The following CHODL variants were observed in gnomAD, a reference collection of about 807,000 sequenced individuals.
CHODL encodes chondrolectin.
In CHODL, 29 loss-of-function variants were observed where a neutral mutation model predicts 34.5. The ratio of observed to expected loss-of-function variants is 0.84; its 90% CI spans 0.63 to 1.15. CHODL has a LOEUF of 1.15. Among genes scored for constraint, CHODL ranks in the 50% most tolerant of loss-of-function variants. The pLI is 0.00. For missense variants in CHODL, 332 were observed against 332.5 expected (o/e 1.00, Z 0.01); for synonymous variants, 125 against 116.1 (o/e 1.08, Z -0.49).
chr21:18,064,648 C>T (rs2064709037), intron 2 of CHODL, among the ~76,000 whole-genome samples: 1 of 152,102 alleles, frequency 6.6e-6, no homozygotes, highest in Admixed American at 6.6e-5. Flanking sequence ...TGGCCTGGAA[C>T]CATACCATCC....
At chr21:18,247,389 A>G (rs2074154161) in intron 1 of CHODL, among the ~76,000 whole-genome samples, 1 of 152,186 alleles carries the variant, frequency 6.6e-6, no homozygotes, top group Admixed American at 6.5e-5. Flanking sequence ...GGATACTCAA[A>G]TAATCACTGA....
chr21:18,203,645 T>G (rs1443694658), intron 2 of CHODL, among the ~76,000 whole-genome samples: 60 of 152,128 alleles, frequency 3.9e-4, no homozygotes, highest in Admixed American at 3.9e-3. Flanking sequence ...TTTCTCTCAT[T>G]TACCTCACAC....
chr21:17,972,770 T>C lies in CHODL; in HGVS notation c.-144-55102T>C, dbSNP rs1054412339. Among the ~76,000 whole-genome samples, 6 of 152,322 alleles carry C rather than the reference T, an allele frequency of 3.9e-5. No individual in the cohort carries two copies. The East Asian group carries it at 9.6e-4, about 24-fold the overall frequency. ...CCCCATCAAGCTACCATTGGCTGTT[T>C]TCACAGAATTAGAAAAAACTACTTC... On this transcript the variant is annotated intron_variant, in intron 1 of 6. Transcript: ENST00000400127.
intron 1 of CHODL, among the ~76,000 whole-genome samples, chr21:17,941,286 CTTTTTTTTTTTT>C (rs34255623): frequency 1.6e-4 from 14 of 87,958 alleles, no homozygotes; most frequent in Admixed American, 8.0e-4. Flanking sequence ...TAACTTGCCT[CTTTTTTTTTTTT>C]TTTTTTTTTT....
At chr21:18,095,438 C>A (rs561763141) in intron 2 of CHODL, among the ~76,000 whole-genome samples, 1 of 152,136 alleles carries the variant, frequency 6.6e-6, no homozygotes, top group South Asian at 2.1e-4. Context: ...ACAGCTATAA[C>A]CTATTAAGAT....
At chr21:18,225,137 T>C (rs1199926502) in intron 2 of CHODL, among the ~76,000 whole-genome samples, 7 of 151,230 alleles carry the variant, frequency 4.6e-5, no homozygotes, top group Non-Finnish European at 1.0e-4. Context: ...GATTGGAAAG[T>C]TTAAGCACAT....
At chr21:18,075,599 A>G (rs2064854834) in intron 2 of CHODL, among the ~76,000 whole-genome samples, 1 of 152,178 alleles carries the variant, frequency 6.6e-6, no homozygotes, top group African/African-American at 2.4e-5. Flanking sequence ...TAGTAAGAAT[A>G]TACGGAAAAC....
At chr21:18,057,770 G>A (rs2064602387) in intron 2 of CHODL, among the ~76,000 whole-genome samples, 1 of 151,044 alleles carries the variant, frequency 6.6e-6, no homozygotes, top group Non-Finnish European at 1.5e-5. Context: ...TCTTTTCCTT[G>A]CTTTCTTATC....
At chr21:18,246,868 T>C (rs1022829293) in intron 1 of CHODL, among the ~76,000 whole-genome samples, 1 of 152,170 alleles carries the variant, frequency 6.6e-6, no homozygotes, top group Non-Finnish European at 1.5e-5. Flanking sequence ...TCCAAATCTT[T>C]TGTTAGGTTT....
chr21:18,035,876 C>T (rs2064303229), intron 2 of CHODL, among the ~76,000 whole-genome samples: 1 of 151,940 alleles, frequency 6.6e-6, no homozygotes, highest in African/African-American at 2.4e-5. Context: ...TATTAATGTC[C>T]TTATGTACAA....
At chr21:18,013,635 C>CTGTTTTTTTTTTTTTTTTTTT (rs2064040705) in intron 1 of CHODL, among the ~76,000 whole-genome samples, 2 of 71,894 alleles carry the variant, frequency 2.8e-5, no homozygotes, top group South Asian at 7.1e-4. Flanking sequence ...GCTGCTGCTG[C>CTGTTTTTTTTTTTTTTTTTTT]TTTTTTTTTT....
chr21:18,192,893 T>G (rs867379344), intron 2 of CHODL, among the ~76,000 whole-genome samples: 13 of 135,906 alleles, frequency 9.6e-5, no homozygotes, highest in South Asian at 2.4e-4. Flanking sequence ...AGAGATTAAT[T>G]TCAAGAATCA....
intron 1 of CHODL, among the ~76,000 whole-genome samples, chr21:17,934,627 A>AT (rs1355395557): frequency 2.0e-5 from 3 of 152,030 alleles, no homozygotes; most frequent in Admixed American, 1.3e-4. Context: ...ATAGTTGCAT[A>AT]TTTTTTGGTC....
intron 2 of CHODL, among the ~76,000 whole-genome samples, chr21:18,137,924 A>G (rs1688184): frequency 0.078 from 11,878 of 152,126 alleles, 1,474 homozygotes; most frequent in African/African-American, 0.26. Flanking sequence ...TTTACCCACA[A>G]TAAGAACACT....
intron 2 of CHODL, among the ~76,000 whole-genome samples, chr21:18,140,015 G>T (rs1170679084): frequency 6.6e-6 from 1 of 152,080 alleles, no homozygotes; most frequent in East Asian, 1.9e-4. Flanking sequence ...TTATCTTATT[G>T]TACTATTCCA....
Position 18,257,132 on chromosome 21 carries a change from G to A in CHODL, c.547+5G>A. ...ATATTTGCAAGTATGAACCAGGTAAGCAGTAGCAAAAGAAGGTATAGAAGA... is the reference window on the plus strand; with the variant it reads ...ATATTTGCAAGTATGAACCAGGTAAACAGTAGCAAAAGAAGGTATAGAAGA... On this transcript the variant is annotated splice_donor_5th_base_variant and intron_variant, in intron 3 of 5. Coordinates refer to ENST00000299295, the MANE Select transcript of CHODL (RefSeq NM_024944.3). 6.2e-7 allele frequency: 1 copy of A among 1,603,500 alleles called. No individual in the cohort carries two copies. The highest frequency in any genetic ancestry group is 8.5e-7 in the Non-Finnish European group (1 of 1,175,384).
chr21:18,248,703 G>GTATATATTATATACATA (rs1325040260), intron 1 of CHODL, among the ~76,000 whole-genome samples: 1 of 113,282 alleles, frequency 8.8e-6, no homozygotes, highest in African/African-American at 3.8e-5. Flanking sequence ...ACATATATAT[G>GTATATATTATATACATA]TATATAATAT....
intron 2 of CHODL, among the ~76,000 whole-genome samples, chr21:18,195,108 G>A (rs1407346140): frequency 6.6e-6 from 1 of 151,696 alleles, no homozygotes; most frequent in Non-Finnish European, 1.5e-5. Context: ...AGGCTGGAGT[G>A]CAGTGGTGTG....
intron 1 of CHODL, among the ~76,000 whole-genome samples, chr21:17,991,209 T>C (rs950880476): frequency 3.9e-5 from 6 of 152,164 alleles, no homozygotes. Flanking sequence ...TCATCATTGA[T>C]GGACACTGGG....
Sources: gnomAD v4.1 joint callset for allele counts (sites outside exome capture counted in the v4.1 genomes callset) on GRCh38, gnomAD v4.1.1 for gene constraint, MANE v1.5 for transcripts, NCBI Gene and HGNC (gene_info 2026-07-23, HGNC 2026-07-21) for gene names.